Variants in DIP2B observed in about 807,000 individuals in gnomAD.
The protein encoded by DIP2B is DIP2 acetate--CoA ligase B (putative), also known as disco-interacting protein 2 homolog B.
A neutral mutation model predicts 198.0 loss-of-function variants in DIP2B; 76 were observed. That is an observed-to-expected ratio of 0.38 (90% confidence interval 0.32 to 0.46). The LOEUF is 0.46. DIP2B is among the 20% of genes least tolerant of loss of function. DIP2B has a pLI of 0.99. For synonymous variants in DIP2B, 701 were observed against 739.1 expected (o/e 0.95, Z 0.84); for missense variants, 1,559 against 1,978.4 (o/e 0.79, Z 4.02).
chr12:50,614,015 C>A (rs971829401), intron 1 of DIP2B, among the ~76,000 whole-genome samples: 5 of 152,168 alleles, frequency 3.3e-5, no homozygotes, highest in Non-Finnish European at 7.4e-5. Context: ...ATAAAACTCA[C>A]CTGCTTTGAC....
intron 1 of DIP2B, among the ~76,000 whole-genome samples, chr12:50,586,283 G>A (rs1469104018): frequency 1.3e-5 from 2 of 152,186 alleles, no homozygotes; most frequent in Non-Finnish European, 2.9e-5. Context: ...AAAGTCCTGA[G>A]TAGAATGGAT....
At chr12:50,554,764 C>T (rs1016344632) in intron 1 of DIP2B, among the ~76,000 whole-genome samples, 3 of 151,828 alleles carry the variant, frequency 2.0e-5, no homozygotes, top group African/African-American at 4.8e-5. Flanking sequence ...GCCGCTCCCC[C>T]CCCGCCCCTT....
intron 4 of DIP2B, among the ~76,000 whole-genome samples, chr12:50,668,728 C>T (rs1007191754): frequency 3.3e-5 from 5 of 152,168 alleles, no homozygotes; most frequent in African/African-American, 9.7e-5. Flanking sequence ...CTTGAGATAA[C>T]TTACCTTGAA....
chr12:50,711,934 T>C (rs1222497364), intron 22 of DIP2B, among the ~76,000 whole-genome samples: 3 of 152,182 alleles, frequency 2.0e-5, no homozygotes, highest in Non-Finnish European at 2.9e-5. Flanking sequence ...TTTGGGAAGC[T>C]GAAGCTGAGG....
At chr12:50,718,550 T>A (rs775740868) in intron 23 of DIP2B, among the ~76,000 whole-genome samples, 159 bp from the exon 24 acceptor site, 1 of 152,248 alleles carries the variant, frequency 6.6e-6, no homozygotes, top group Non-Finnish European at 1.5e-5. Context: ...GAATGCAGGC[T>A]CTTTGCCCTA....
intron 14 of DIP2B, 50 bp from the exon 15 acceptor site, chr12:50,695,217 C>T (rs1388796606): frequency 1.6e-5 from 23 of 1,470,120 alleles, no homozygotes; most frequent in African/African-American, 5.6e-5. Flanking sequence ...TTTTAAAATA[C>T]TAAGTATGTA....
At chr12:50,646,065 G>A (rs1054858078) in intron 3 of DIP2B, among the ~76,000 whole-genome samples, 4 of 151,840 alleles carry the variant, frequency 2.6e-5, no homozygotes, top group African/African-American at 4.8e-5. Flanking sequence ...TATGTGTATT[G>A]TAAATTTTAA....
chr12:50,680,776 A>G lies in DIP2B; in HGVS notation c.1206+13A>G. 1 of 1,611,840 alleles carries G rather than the reference A, an allele frequency of 6.2e-7. No individual in the cohort carries two copies. Among genetic ancestry groups the G allele is most frequent in the Non-Finnish European group, 8.5e-7 (1 of 1,179,256 alleles). ...ACCTGGAGACAGGGTAATTGGTGTG[A>G]TTTTGGTTTTAGGGAGGTGGTGTTT... On this transcript the variant is annotated intron_variant, in intron 9 of 37. Coordinates refer to ENST00000301180, the MANE Select transcript of DIP2B (RefSeq NM_173602.3).
chr12:50,665,275 G>C (rs1938730246), intron 4 of DIP2B, among the ~76,000 whole-genome samples: 1 of 152,118 alleles, frequency 6.6e-6, no homozygotes. Flanking sequence ...TGACCGCCCT[G>C]TGTCATTTGT....
chr12:50,702,612 A>G (rs1473885050), intron 19 of DIP2B, among the ~76,000 whole-genome samples: 1 of 151,568 alleles, frequency 6.6e-6, no homozygotes, highest in Non-Finnish European at 1.5e-5. Context: ...AGTCCCAGCT[A>G]TTCTGGAGTG....
chr12:50,577,730 G>C (rs1958675811), intron 1 of DIP2B, among the ~76,000 whole-genome samples: 1 of 151,434 alleles, frequency 6.6e-6, no homozygotes, highest in Middle Eastern at 3.4e-3. Flanking sequence ...TCTTATAAAT[G>C]TCTTTTCATT....
At chr12:50,511,792 A>G (rs1024285052) in intron 1 of DIP2B, among the ~76,000 whole-genome samples, 4 of 151,488 alleles carry the variant, frequency 2.6e-5, no homozygotes, top group Non-Finnish European at 5.9e-5. Context: ...TACTAAAAAT[A>G]CAAAAATTAG....
rs755180480 is a variant in DIP2B, at chr12:50,727,853, T to C, written c.3510+41T>C. The C allele has an allele frequency of 7.3e-6, 11 of 1,500,228 alleles. No homozygotes were observed. In the South Asian group the frequency reaches 9.1e-5, roughly 12 times the overall value. 92.9% of individuals were successfully genotyped at this position (1,500,228 alleles called of 1,614,324 possible). A position where few individuals can be genotyped will look rare whatever the true frequency, so the allele number is the denominator to read the frequency against. On this transcript the variant is annotated intron_variant, in intron 29 of 37. Transcript: ENST00000301180. ...GAAAAATGCCACATCTGCCAAAAAATAGAGATGACCACTGCCCCAGAAACT... is the reference window on the plus strand; with the variant it reads ...GAAAAATGCCACATCTGCCAAAAAACAGAGATGACCACTGCCCCAGAAACT...
intron 1 of DIP2B, among the ~76,000 whole-genome samples, chr12:50,512,940 G>C (rs1374261875): frequency 6.6e-6 from 1 of 152,206 alleles, no homozygotes; most frequent in Non-Finnish European, 1.5e-5. Flanking sequence ...CCGGGAGGCG[G>C]AGGTTGCAGT....
chr12:50,730,781 C>T (rs948683368), intron 30 of DIP2B, among the ~76,000 whole-genome samples: 3 of 152,110 alleles, frequency 2.0e-5, no homozygotes, highest in Admixed American at 6.6e-5. Flanking sequence ...CCCTCACTAC[C>T]GTCCCCACTT....
At chr12:50,669,292 A>G (rs2139521962) in intron 4 of DIP2B, among the ~76,000 whole-genome samples, 2 of 152,316 alleles carry the variant, frequency 1.3e-5, no homozygotes, top group South Asian at 4.1e-4. Flanking sequence ...AGTTCCTGGC[A>G]CATGTTGTGA....
intron 4 of DIP2B, among the ~76,000 whole-genome samples, 173 bp from the exon 5 acceptor site, chr12:50,671,013 C>T (rs574369756): frequency 6.6e-6 from 1 of 152,240 alleles, no homozygotes; most frequent in Non-Finnish European, 1.5e-5. Context: ...TTTTTGTAGG[C>T]TTTGGTCCAT....
At chr12:50,540,091 A>C in intron 1 of DIP2B, among the ~76,000 whole-genome samples, 1 of 98,810 alleles carries the variant, frequency 1.0e-5, no homozygotes, top group Non-Finnish European at 1.9e-5. Context: ...TTGCTATTGC[A>C]AATATCATAG....
chr12:50,560,861 AT>A (rs1279673792), intron 1 of DIP2B, among the ~76,000 whole-genome samples: 1 of 152,266 alleles, frequency 6.6e-6, no homozygotes, highest in African/African-American at 2.4e-5. Flanking sequence ...GAGATAGTTC[AT>A]TTATAAAATT....
Sources: allele counts gnomAD v4.1 joint callset (sites outside exome capture counted in the v4.1 genomes callset), GRCh38; gene constraint gnomAD v4.1.1; transcripts MANE v1.5; gene names NCBI Gene and HGNC (gene_info 2026-07-23, HGNC 2026-07-21).